GPD1L: variants seen among roughly 807,000 people sequenced by gnomAD.
GPD1L encodes the protein glycerol-3-phosphate dehydrogenase 1-like protein.
A neutral mutation model predicts 32.9 loss-of-function variants in GPD1L; 17 were observed. The observed-to-expected ratio is 0.52, with a 90% CI of 0.35 to 0.78. The LOEUF (loss-of-function observed/expected upper bound fraction) is 0.78. Ranked by LOEUF, GPD1L falls within the 30% of genes least tolerant of loss-of-function variation. The pLI is 0.01. For synonymous variants in GPD1L, 187 were observed against 165.9 expected, an observed-to-expected ratio of 1.13 and a Z score of -0.98; for missense variants, 361 against 447.8, an observed-to-expected ratio of 0.81 and a Z score of 1.75.
chr3:32,164,096 G>T (rs1701111801), intron 7 of GPD1L, among the ~76,000 whole-genome samples: 1 of 152,190 alleles, frequency 6.6e-6, no homozygotes, highest in Admixed American at 6.5e-5. Context: ...ATTATGTCTT[G>T]CTGCCTAGGA....
chr3:32,150,714 A>G (rs977554459), intron 5 of GPD1L, among the ~76,000 whole-genome samples: 1 of 152,050 alleles, frequency 6.6e-6, no homozygotes, highest in Non-Finnish European at 1.5e-5. Flanking sequence ...GCTGGCCAAC[A>G]GATGTATTAC....
intron 4 of GPD1L, among the ~76,000 whole-genome samples, chr3:32,143,624 C>G (rs1700779729): frequency 6.6e-6 from 1 of 152,088 alleles, no homozygotes; most frequent in African/African-American, 2.4e-5. Flanking sequence ...TGGGAGATCA[C>G]TTGGGCCTAG....
chr3:32,121,459 A>ATATATTTCTCTCTC (rs1700410246), intron 1 of GPD1L, among the ~76,000 whole-genome samples: 1 of 136,232 alleles, frequency 7.3e-6, no homozygotes, highest in African/African-American at 2.9e-5. Flanking sequence ...ATTTCTCTCT[A>ATATATTTCTCTCTC]TATATATTTC....
intron 1 of GPD1L, among the ~76,000 whole-genome samples, chr3:32,116,472 T>C (rs1700335118): frequency 6.6e-6 from 1 of 152,170 alleles, no homozygotes; most frequent in African/African-American, 2.4e-5. Context: ...TGATGGCAGA[T>C]AAATTTCATC....
intron 1 of GPD1L, among the ~76,000 whole-genome samples, chr3:32,114,319 AC>A (rs1465263596): frequency 6.6e-6 from 1 of 152,232 alleles, no homozygotes; most frequent in Non-Finnish European, 1.5e-5. Context: ...GAGAAGGCAA[AC>A]CTTCATGAAC....
intron 1 of GPD1L, among the ~76,000 whole-genome samples, chr3:32,127,868 A>G (rs776655336): frequency 3.3e-5 from 5 of 152,144 alleles, no homozygotes; most frequent in Non-Finnish European, 7.4e-5. Context: ...CTTAAGCCAA[A>G]TTCTGGTGCT....
At chr3:32,144,822 A>AACACACACACACAC (rs60130762) in intron 4 of GPD1L, among the ~76,000 whole-genome samples, 6 of 142,064 alleles carry the variant, frequency 4.2e-5, no homozygotes, top group African/African-American at 1.6e-4. Context: ...AGTAGCTGGG[A>AACACACACACACAC]ACACACACAC....
chr3:32,146,083 CTTTTTTTTTTTTT>C (rs59106750), intron 4 of GPD1L, among the ~76,000 whole-genome samples: 24 of 126,156 alleles, frequency 1.9e-4, no homozygotes, highest in Non-Finnish European at 3.0e-4. Context: ...ATGCTTTTTT[CTTTTTTTTTTTTT>C]TTTTTTTTGA....
chr3:32,133,743 G>A (rs72850651), intron 2 of GPD1L, among the ~76,000 whole-genome samples: 3,759 of 152,244 alleles, frequency 0.025, 152 homozygotes, highest in African/African-American at 0.086. Context: ...TGAAAGTGAG[G>A]TCTTTTTCTT....
At chr3:32,118,851 A>G (rs1354247646) in intron 1 of GPD1L, among the ~76,000 whole-genome samples, 1 of 152,224 alleles carries the variant, frequency 6.6e-6, no homozygotes, top group Non-Finnish European at 1.5e-5. Flanking sequence ...AGTACCTCAT[A>G]TAAGTAGAAT....
intron 5 of GPD1L, among the ~76,000 whole-genome samples, chr3:32,156,280 G>T (rs113961941): frequency 6.6e-5 from 10 of 152,192 alleles, no homozygotes; most frequent in African/African-American, 9.6e-5. Context: ...AGAAGCTTTC[G>T]CAGGTTCAGG....
chr3:32,110,752 G>A (rs1192533030), intron 1 of GPD1L, among the ~76,000 whole-genome samples: 2 of 152,254 alleles, frequency 1.3e-5, no homozygotes, highest in African/African-American at 2.4e-5. Context: ...TGCCGCAGGT[G>A]CAGGGAGGGA....
chr3:32,145,381 C>A (rs1315859653), intron 4 of GPD1L, among the ~76,000 whole-genome samples: 3 of 152,060 alleles, frequency 2.0e-5, no homozygotes, highest in Non-Finnish European at 2.9e-5. Flanking sequence ...TTAAAAGGTA[C>A]CTTTGAGAAA....
chr3:32,164,685 A>T (rs986807946), intron 7 of GPD1L, among the ~76,000 whole-genome samples: 1 of 152,236 alleles, frequency 6.6e-6, no homozygotes, highest in Non-Finnish European at 1.5e-5. Flanking sequence ...ACTCCAAAAA[A>T]ATAAAACATT....
At position 32,159,040 on chromosome 3, in the gene GPD1L, C is replaced by T. The variant is rs1175184800; in HGVS notation, c.783C>T (p.Ala261=). ...TATFLESCGV[A]DLITTCYGGR... ...CCTTCCTAGAGAGCTGCGGGGTGGCCGACCTGATCACCACCTGTTACGGAG... is the reference window on the plus strand; with the variant it reads ...CCTTCCTAGAGAGCTGCGGGGTGGCTGACCTGATCACCACCTGTTACGGAG... The change falls in exon 6 of 8, where the codon GCC becomes GCT. Residue 261 remains alanine (A), a synonymous_variant. Transcript: ENST00000282541. The T allele has an allele frequency of 6.2e-6, 10 of 1,613,830 alleles. No individual in the cohort carries two copies. Among genetic ancestry groups the T allele is most frequent in the African/African-American group, 1.3e-5 (1 of 74,932 alleles).
At chr3:32,133,314 T>A (rs1700613776) in intron 2 of GPD1L, among the ~76,000 whole-genome samples, 1 of 152,228 alleles carries the variant, frequency 6.6e-6, no homozygotes, top group South Asian at 2.1e-4. Context: ...AGCCTTGGTA[T>A]CTTTTATTTG....
At chr3:32,146,592 TA>T (rs762807559) in intron 4 of GPD1L, 29 bp from the exon 5 acceptor site, 10 of 1,205,488 alleles carry the variant, frequency 8.3e-6, no homozygotes, top group Admixed American at 5.0e-5. Context: ...AGGCTGTTAT[TA>T]ATATCCTTGT....
At chr3:32,158,296 T>C in intron 5 of GPD1L, 1 of 161,626 alleles carries the variant, frequency 6.2e-6, no homozygotes. Flanking sequence ...ATTGTATGAC[T>C]CCATTCACAA....
chr3:32,114,011 G>T (rs1347346227), intron 1 of GPD1L, among the ~76,000 whole-genome samples: 6 of 152,154 alleles, frequency 3.9e-5, no homozygotes, highest in African/African-American at 1.4e-4. Context: ...ACACCACCAT[G>T]CCTGGCTAAT....
Sources: gnomAD v4.1 joint callset for allele counts (sites outside exome capture counted in the v4.1 genomes callset) on GRCh38, gnomAD v4.1.1 for gene constraint, MANE v1.5 for transcripts, NCBI Gene and HGNC (gene_info 2026-07-23, HGNC 2026-07-21) for gene names.